GRIA3: variants seen among roughly 807,000 people sequenced by gnomAD.
GRIA3 encodes glutamate ionotropic receptor AMPA type subunit 3, also known as glutamate receptor 3.
Under a neutral mutation model 63.0 loss-of-function variants are expected in GRIA3, and 3 were observed. The ratio of observed to expected loss-of-function variants is 0.05; its 90% CI spans 0.02 to 0.12. GRIA3 has a LOEUF of 0.12. Ranked by LOEUF, GRIA3 falls within the 10% of genes least tolerant of loss-of-function variation. The pLI, the probability that GRIA3 is intolerant of heterozygous loss-of-function variation, is 1.00. For synonymous variants in GRIA3, 274 were observed against 257.9 expected, an observed-to-expected ratio of 1.06 and a Z score of -0.60; for missense variants, 347 against 700.9, an observed-to-expected ratio of 0.50 and a Z score of 5.70.
At chrX:123,199,147 A>T (rs1456806844) in intron 2 of GRIA3, among the ~76,000 whole-genome samples, 1 of 111,753 alleles carries the variant, frequency 8.9e-6, no homozygotes, top group East Asian at 2.8e-4. Context: ...AATTTTGCTA[A>T]TGTGATTTTC....
At chrX:123,483,595 T>C (rs1162923670) in intron 15 of GRIA3, among the ~76,000 whole-genome samples, 2 of 112,329 alleles carry the variant, frequency 1.8e-5, no homozygotes, top group African/African-American at 3.2e-5. Flanking sequence ...GGTTATTGTA[T>C]TGGACAATGC....
rs1308263660 is a variant in GRIA3, at chrX:123,417,614, C to T, written c.1713C>T (p.Phe571=). ...FAYIGVSVVL[F]LVSRFSPYEW... ...ACATTGGAGTCAGCGTAGTTCTTTT[C>T]CTAGTCAGCAGGTTCAGTCCTTATG... Residue 571 remains phenylalanine, a synonymous_variant, in exon 11 of 16, where the codon TTC becomes TTT. Coordinates refer to ENST00000620443, the MANE Select transcript of GRIA3 (RefSeq NM_007325.5). The T allele has an allele frequency of 6.6e-6, 8 of 1,204,882 alleles. No homozygotes were observed. Among genetic ancestry groups the T allele is most frequent in the Non-Finnish European group, 9.0e-6 (8 of 892,152 alleles).
At chrX:123,263,241 A>G (rs1201049174) in intron 3 of GRIA3, among the ~76,000 whole-genome samples, 1 of 111,856 alleles carries the variant, frequency 8.9e-6, no homozygotes, top group African/African-American at 3.3e-5. Context: ...TGGAGAGGAG[A>G]GCAGAGGTTA....
intron 6 of GRIA3, among the ~76,000 whole-genome samples, chrX:123,396,213 A>ATAATAATAG (rs1282344636): frequency 1.9e-5 from 2 of 103,288 alleles, no homozygotes; most frequent in Non-Finnish European, 3.9e-5. Context: ...AATAATAATA[A>ATAATAATAG]TAATAATAAT....
At chrX:123,264,724 T>G (rs375353063) in intron 3 of GRIA3, among the ~76,000 whole-genome samples, 2 of 112,142 alleles carry the variant, frequency 1.8e-5, no homozygotes, top group Non-Finnish European at 3.8e-5. Context: ...TTAGAAACTA[T>G]GTTAGTGTTT....
At position 123,447,439 on chromosome X, in the gene GRIA3, C is replaced by T. The variant is rs533599; in HGVS notation, c.2077-17426C>T. 9.1e-3 allele frequency among the ~76,000 whole-genome samples: 1,020 copies of T among 111,864 alleles called. 9 individuals carry two copies. Among genetic ancestry groups the T allele is most frequent in the African/African-American group, 0.031 (966 of 30,841 alleles). ...TATCTTCACTGAATAAAGGTGATAG[C>T]TGTATCAGAAACTCAAGTCAAACCA... On this transcript the variant is annotated intron_variant, in intron 12 of 15. Transcript: ENST00000620443.
chrX:123,270,731 T>C (rs768252734), intron 3 of GRIA3, among the ~76,000 whole-genome samples: 1 of 112,474 alleles, frequency 8.9e-6, no homozygotes, highest in Admixed American at 9.4e-5. Context: ...CATTGGGCTG[T>C]TATGAAAATA....
chrX:123,469,444 G>T (rs1195791226), intron 13 of GRIA3, among the ~76,000 whole-genome samples: 3 of 111,223 alleles, frequency 2.7e-5, no homozygotes, highest in Non-Finnish European at 5.7e-5. Context: ...TAAAAACAAG[G>T]TCAGTCTCTG....
intron 13 of GRIA3, among the ~76,000 whole-genome samples, chrX:123,474,925 C>G (rs1420530627): frequency 9.0e-6 from 1 of 111,104 alleles, no homozygotes; most frequent in Non-Finnish European, 1.9e-5. Flanking sequence ...GAGTTAGTGG[C>G]AGGTGTGGAT....
rs769761540 is a variant in GRIA3 at position 123,419,707 on chromosome X, T to C, written c.1877+1929T>C. On this transcript the variant is annotated intron_variant, in intron 11 of 15. Transcript: ENST00000620443. Reference sequence around the variant, plus strand: ...TATTATGCATTAATTTTTTAAATATTGGACTAAAATTCTATTTATCTTGAT... The same window carrying C: ...TATTATGCATTAATTTTTTAAATATCGGACTAAAATTCTATTTATCTTGAT... Among the ~76,000 whole-genome samples the C allele has an allele frequency of 8.1e-5, 9 of 111,392 alleles. No homozygotes were observed. In the East Asian group the frequency reaches 2.3e-3, roughly 28 times the overall value.
At chrX:123,440,147 T>C (rs977357327) in intron 12 of GRIA3, among the ~76,000 whole-genome samples, 4 of 112,581 alleles carry the variant, frequency 3.6e-5, no homozygotes, top group African/African-American at 1.3e-4. Context: ...TATGGCTGCA[T>C]AGTATTCCAT....
At chrX:123,334,631 T>C (rs867363863) in intron 4 of GRIA3, among the ~76,000 whole-genome samples, 1 of 111,149 alleles carries the variant, frequency 9.0e-6, no homozygotes, top group African/African-American at 3.3e-5. Flanking sequence ...GTTTGGGGGG[T>C]TTTATTTTTA....
intron 5 of GRIA3, chrX:123,358,447 T>G (rs942292983): frequency 1.8e-5 from 2 of 112,251 alleles, no homozygotes; most frequent in African/African-American, 6.5e-5. Context: ...GGATATTCCA[T>G]GAATGCTTTA....
intron 5 of GRIA3, among the ~76,000 whole-genome samples, chrX:123,369,264 A>G (rs764149707): frequency 3.5e-4 from 39 of 112,408 alleles, no homozygotes; most frequent in Non-Finnish European, 6.7e-4. Context: ...AGCAAGAATA[A>G]TCATTTAAAA....
chrX:123,253,516 T>A lies in GRIA3; in HGVS notation c.482T>A (p.Phe161Tyr). ...CTGGGTCATTACAAGTGGGAGAAGTTTGTGTACCTCTATGACACAGAACGA... is the reference window on the plus strand; with the variant it reads ...CTGGGTCATTACAAGTGGGAGAAGTATGTGTACCTCTATGACACAGAACGA... ...SLLGHYKWEKFVYLYDTERGF... is the reference protein window; with the variant it reads ...SLLGHYKWEKYVYLYDTERGF... The change falls in exon 3 of 16, where the codon TTT (phenylalanine) becomes TAT (tyrosine). Residue 161 changes from phenylalanine (F) to tyrosine (Y), a missense_variant. Transcript: ENST00000620443. The A allele has an allele frequency of 8.3e-7, 1 of 1,207,359 alleles. No homozygotes were observed. The highest frequency in any genetic ancestry group is 1.1e-6 in the Non-Finnish European group (1 of 891,752).
chrX:123,256,371 T>C (rs994235107), intron 3 of GRIA3, among the ~76,000 whole-genome samples: 1 of 111,725 alleles, frequency 9.0e-6, no homozygotes, highest in Non-Finnish European at 1.9e-5. Flanking sequence ...TAAGGTGCTA[T>C]GAAGGAAAAA....
chrX:123,451,498 C>T (rs1481359305), intron 12 of GRIA3, among the ~76,000 whole-genome samples: 1 of 42,231 alleles, frequency 2.4e-5, no homozygotes, highest in Non-Finnish European at 3.9e-5. Context: ...GAGAGAGACT[C>T]TGTCTCTAAA....
At chrX:123,353,985 C>T (rs2045115896) in intron 4 of GRIA3, among the ~76,000 whole-genome samples, 1 of 111,899 alleles carries the variant, frequency 8.9e-6, no homozygotes, top group South Asian at 3.8e-4. Context: ...GGAAAATATT[C>T]AGCCCACTCA....
intron 3 of GRIA3, among the ~76,000 whole-genome samples, chrX:123,307,129 C>G (rs1250371475): frequency 8.9e-6 from 1 of 111,769 alleles, no homozygotes; most frequent in African/African-American, 3.3e-5. Flanking sequence ...GGACAAGAGA[C>G]AGTTTACAAG....
Sources: gnomAD v4.1 joint callset for allele counts (sites outside exome capture counted in the v4.1 genomes callset) on GRCh38, gnomAD v4.1.1 for gene constraint, MANE v1.5 for transcripts, NCBI Gene and HGNC (gene_info 2026-07-23, HGNC 2026-07-21) for gene names.